The following TAFA5 variants were observed in gnomAD, a reference collection of about 807,000 sequenced individuals.
The protein encoded by TAFA5 is TAFA chemokine like family member 5.
In TAFA5, 6 loss-of-function variants were observed where a neutral mutation model predicts 15.3. The observed-to-expected ratio is 0.39, with a 90% CI of 0.21 to 0.77. The LOEUF is 0.77. Among genes scored for constraint, TAFA5 ranks in the 30% least tolerant of loss-of-function variants. The pLI, the probability that TAFA5 is intolerant of heterozygous loss-of-function variation, is 0.41. For synonymous variants in TAFA5, 103 were observed against 80.7 expected, an observed-to-expected ratio of 1.28 and a Z score of -1.48; for missense variants, 161 against 193.1, an observed-to-expected ratio of 0.83 and a Z score of 0.98.
At position 48,739,357 on chromosome 22, in the gene TAFA5, C is replaced by T. The variant is rs533783929; in HGVS notation, c.391-10482C>T. On this transcript the variant is annotated intron_variant, in intron 3 of 3. Transcript: ENST00000402357. ...CAACTTGCAGAAAATGTTGAGACTGCGGTCTGGTTCTGTCAAAGCTAAGCG... is the reference window on the plus strand; with the variant it reads ...CAACTTGCAGAAAATGTTGAGACTGTGGTCTGGTTCTGTCAAAGCTAAGCG... Among the ~76,000 whole-genome samples, 16 of 152,258 alleles carry T rather than the reference C, an allele frequency of 1.1e-4. No homozygotes were observed. The East Asian group carries it at 1.9e-3, about 18-fold the overall frequency.
chr22:48,649,418 G>A (rs1926977701), intron 2 of TAFA5, among the ~76,000 whole-genome samples: 1 of 152,202 alleles, frequency 6.6e-6, no homozygotes, highest in Non-Finnish European at 1.5e-5. Context: ...CTGGAGGAGA[G>A]GGGAGCCATC....
intron 1 of TAFA5, among the ~76,000 whole-genome samples, chr22:48,542,351 GTGC>G: frequency 7.4e-6 from 1 of 135,164 alleles, no homozygotes; most frequent in African/African-American, 2.8e-5. Flanking sequence ...TGTGGTGTGT[GTGC>G]ATATGTGTGT....
chr22:48,506,986 G>A (rs995240324), intron 1 of TAFA5, among the ~76,000 whole-genome samples: 3 of 152,112 alleles, frequency 2.0e-5, no homozygotes, highest in African/African-American at 4.8e-5. Context: ...ACTGGGCACC[G>A]AGTGGCATGG....
chr22:48,720,186 A>G (rs941231236), intron 3 of TAFA5, among the ~76,000 whole-genome samples: 2 of 151,984 alleles, frequency 1.3e-5, no homozygotes, highest in African/African-American at 2.4e-5. Context: ...GGTGCCCCCT[A>G]CTGGTCAGAA....
chr22:48,519,188 G>A (rs774267413), intron 1 of TAFA5, among the ~76,000 whole-genome samples: 1 of 152,206 alleles, frequency 6.6e-6, no homozygotes. Context: ...TTTCTCAGCC[G>A]ATGCTTAGTG....
rs1233502469 is a variant in TAFA5, at chr22:48,549,861, C to T, written c.112+60157C>T. On this transcript the variant is annotated intron_variant, in intron 1 of 3. Coordinates refer to ENST00000402357, the MANE Select transcript of TAFA5 (RefSeq NM_001082967.3). ...TCGGAGATGGATGAACAGGCAAAGT[C>T]CCCCGCTAGCAGTGCCAGACGCCCT... Among the ~76,000 whole-genome samples, 5 of 152,220 alleles carry T rather than the reference C, an allele frequency of 3.3e-5. No individual in the cohort carries two copies. In the South Asian group the frequency reaches 1.0e-3, roughly 32 times the overall value.
At position 48,523,706 on chromosome 22, in the gene TAFA5, C is replaced by G. The variant is rs562874051; in HGVS notation, c.112+34002C>G. On this transcript the variant is annotated intron_variant, in intron 1 of 3. Coordinates refer to ENST00000402357, the MANE Select transcript of TAFA5 (RefSeq NM_001082967.3). Reference sequence around the variant, plus strand: ...GCATCCCGGGGGCCCAGGAAGGAGCCGCTCCCAGGAACCCCTATTCCTGGG... The same window carrying G: ...GCATCCCGGGGGCCCAGGAAGGAGCGGCTCCCAGGAACCCCTATTCCTGGG... Among the ~76,000 whole-genome samples the G allele has an allele frequency of 2.0e-5, 3 of 152,222 alleles. No homozygotes were observed. In the South Asian group the frequency reaches 6.2e-4, roughly 31 times the overall value.
At chr22:48,638,963 C>G (rs1194749462) in intron 1 of TAFA5, among the ~76,000 whole-genome samples, 1 of 147,360 alleles carries the variant, frequency 6.8e-6, no homozygotes, top group African/African-American at 2.6e-5. Flanking sequence ...AGCCCTGGGA[C>G]ACCACACACA....
At chr22:48,496,433 G>A (rs1601833355) in intron 1 of TAFA5, among the ~76,000 whole-genome samples, 1 of 152,178 alleles carries the variant, frequency 6.6e-6, no homozygotes, top group African/African-American at 2.4e-5. Flanking sequence ...GTACGGTGAG[G>A]CAGCCACAGG....
rs553991293 is a variant in TAFA5, at chr22:48,552,831, C to A, written c.112+63127C>A. Among the ~76,000 whole-genome samples, 1 of 152,212 alleles carries A rather than the reference C, an allele frequency of 6.6e-6. No individual in the cohort carries two copies. Among genetic ancestry groups the A allele is most frequent in the African/African-American group, 2.4e-5 (1 of 41,540 alleles). ...GCACCTATATGGGGCTTCCAGGGCT[C>A]ACCCCGAGGGAGGAGGCCCAGAGCC... On this transcript the variant is annotated intron_variant, in intron 1 of 3. Transcript: ENST00000402357. The surrounding 1 kb of genome is among the most constrained non-coding windows in gnomAD (Gnocchi z 4.1).
intron 2 of TAFA5, among the ~76,000 whole-genome samples, chr22:48,658,190 G>A (rs191579398): frequency 5.0e-5 from 7 of 140,520 alleles, no homozygotes; most frequent in East Asian, 2.5e-4. Context: ...AGCTGCTCCC[G>A]TCCACTTCCA....
intron 1 of TAFA5, among the ~76,000 whole-genome samples, chr22:48,523,952 G>C (rs763421867): frequency 7.2e-5 from 11 of 152,192 alleles, no homozygotes; most frequent in Admixed American, 2.6e-4. Flanking sequence ...TGCACACCCA[G>C]GTGAGGTGCC....
intron 1 of TAFA5, among the ~76,000 whole-genome samples, chr22:48,502,769 C>T (rs964713190): frequency 6.6e-6 from 1 of 152,108 alleles, no homozygotes; most frequent in Non-Finnish European, 1.5e-5. Flanking sequence ...TGATCCGCCC[C>T]CCTCGGTCTC....
At chr22:48,561,412 G>GCCT (rs1041074484) in intron 1 of TAFA5, among the ~76,000 whole-genome samples, 35 of 152,186 alleles carry the variant, frequency 2.3e-4, no homozygotes, top group African/African-American at 8.0e-4. Context: ...GGGGCTGCTG[G>GCCT]CCTCTGGGGA....
intron 1 of TAFA5, among the ~76,000 whole-genome samples, chr22:48,558,792 G>A (rs1397254388): frequency 2.0e-5 from 3 of 152,232 alleles, no homozygotes; most frequent in Non-Finnish European, 2.9e-5. Flanking sequence ...GGTGGTTCAC[G>A]AGGTCAGGAG....
chr22:48,618,618 G>C (rs117183345), intron 1 of TAFA5, among the ~76,000 whole-genome samples: 1 of 151,914 alleles, frequency 6.6e-6, no homozygotes, highest in Non-Finnish European at 1.5e-5. Flanking sequence ...ATCTGTAATC[G>C]GGTGGCCTTG....
chr22:48,589,192 C>A (rs950705278), intron 1 of TAFA5, among the ~76,000 whole-genome samples: 2 of 152,214 alleles, frequency 1.3e-5, no homozygotes, highest in Admixed American at 1.3e-4. Flanking sequence ...GTTTGGCATG[C>A]ACGTATTGAG....
chr22:48,696,117 G>C (rs982143003), intron 2 of TAFA5, among the ~76,000 whole-genome samples: 3 of 152,176 alleles, frequency 2.0e-5, no homozygotes, highest in African/African-American at 7.2e-5. Context: ...CTCGGGGTTC[G>C]ATGGGCGGGT....
intron 2 of TAFA5, among the ~76,000 whole-genome samples, chr22:48,686,792 C>A (rs961740051): frequency 7.0e-6 from 1 of 143,552 alleles, no homozygotes; most frequent in East Asian, 2.1e-4. Context: ...GGATGGTAGA[C>A]AAGTGGATGG....
Sources: allele counts gnomAD v4.1 joint callset (sites outside exome capture counted in the v4.1 genomes callset), GRCh38; gene constraint gnomAD v4.1.1; non-coding constraint Gnocchi (gnomAD v3.1); transcripts MANE v1.5; gene names NCBI Gene and HGNC (gene_info 2026-07-23, HGNC 2026-07-21).